The following FAM124B variants were observed in gnomAD, a reference collection of about 807,000 sequenced individuals.
FAM124B encodes family with sequence similarity 124 member B.
Under a neutral mutation model 19.7 loss-of-function variants are expected in FAM124B, and 18 were observed. The ratio of observed to expected loss-of-function variants is 0.92; its 90% CI spans 0.63 to 1.36. FAM124B has a LOEUF of 1.36. Ranked by LOEUF, FAM124B falls within the 40% of genes most tolerant of loss-of-function variation. The pLI, the probability that FAM124B is intolerant of heterozygous loss-of-function variation, is 0.00. For synonymous variants in FAM124B, 223 were observed against 225.2 expected, an observed-to-expected ratio of 0.99 and a Z score of 0.09; for missense variants, 540 against 553.3, an observed-to-expected ratio of 0.98 and a Z score of 0.24.
At chr2:224,397,696 A>C (rs542074175) in intron 1 of FAM124B, among the ~76,000 whole-genome samples, 1 of 152,302 alleles carries the variant, frequency 6.6e-6, no homozygotes, top group South Asian at 2.1e-4. Context: ...TGGGAACTGG[A>C]ACAAAGGTGA....
intron 1 of FAM124B, among the ~76,000 whole-genome samples, chr2:224,389,742 C>A (rs1689850785): frequency 6.6e-6 from 1 of 151,960 alleles, no homozygotes; most frequent in Non-Finnish European, 1.5e-5. Context: ...GCTAAAACCT[C>A]AAGAGATAGA....
intron 1 of FAM124B, chr2:224,399,409 T>C (rs1238897544): frequency 6.6e-6 from 1 of 152,252 alleles, no homozygotes; most frequent in Non-Finnish European, 1.5e-5. Context: ...TCATTTAATA[T>C]GGAATATGAT....
chr2:224,391,675 G>A (rs961318819), intron 1 of FAM124B, among the ~76,000 whole-genome samples: 2 of 152,150 alleles, frequency 1.3e-5, no homozygotes, highest in African/African-American at 4.8e-5. Flanking sequence ...AACAAAAATT[G>A]TTTAAGAGTT....
chr2:224,399,645 G>A (rs1321885360), intron 1 of FAM124B: 1 of 152,172 alleles, frequency 6.6e-6, no homozygotes, highest in Non-Finnish European at 1.5e-5. Flanking sequence ...CATGAACTTT[G>A]AGGGTAGATA....
chr2:224,394,392 TC>T (rs1219406284), intron 1 of FAM124B, among the ~76,000 whole-genome samples: 1 of 152,162 alleles, frequency 6.6e-6, no homozygotes, highest in Non-Finnish European at 1.5e-5. Flanking sequence ...ATCATCACCT[TC>T]CTCTTCTTCA....
chr2:224,386,507 T>C (rs1689802230), intron 1 of FAM124B, among the ~76,000 whole-genome samples: 2 of 152,194 alleles, frequency 1.3e-5, no homozygotes, highest in Admixed American at 6.5e-5. Context: ...GCTAACATCA[T>C]AGAGTTGCTG....
intron 1 of FAM124B, among the ~76,000 whole-genome samples, chr2:224,395,364 G>A (rs991297193): frequency 6.6e-6 from 1 of 152,212 alleles, no homozygotes; most frequent in Non-Finnish European, 1.5e-5. Flanking sequence ...GCAGCATGTG[G>A]TTGATTTGAC....
chr2:224,397,707 C>T (rs1689995677), intron 1 of FAM124B, among the ~76,000 whole-genome samples: 1 of 152,174 alleles, frequency 6.6e-6, no homozygotes, highest in Admixed American at 6.5e-5. Flanking sequence ...ACAAAGGTGA[C>T]TCTCATTATG....
At chr2:224,399,921 T>C (rs1254510441) in intron 1 of FAM124B, 1 of 152,222 alleles carries the variant, frequency 6.6e-6, no homozygotes, top group Non-Finnish European at 1.5e-5. Context: ...CGGGTGCCTT[T>C]ATTGTGCTAA....
chr2:224,400,288 C>T lies in FAM124B; in HGVS notation c.732+749G>A, dbSNP rs115477945. ...AAGAATAAAAATTAAGTCAATAGTACTGCAAACTTAACATCCCTAAACAAG... is the reference window on the plus strand; with the variant it reads ...AAGAATAAAAATTAAGTCAATAGTATTGCAAACTTAACATCCCTAAACAAG... On this transcript the variant is annotated intron_variant, in intron 1 of 1. Transcript: ENST00000409685. The T allele has an allele frequency of 3.0e-3, 1,620 of 536,910 alleles. 20 individuals carry two copies. The highest frequency in any genetic ancestry group is 0.028 in the African/African-American group (1,499 of 52,844). 33.3% of individuals were successfully genotyped at this position (536,910 alleles called of 1,614,324 possible). A position where few individuals can be genotyped will look rare whatever the true frequency, so the allele number is the denominator to read the frequency against.
At chr2:224,397,412 T>C (rs1358679461) in intron 1 of FAM124B, among the ~76,000 whole-genome samples, 1 of 152,220 alleles carries the variant, frequency 6.6e-6, no homozygotes, top group Non-Finnish European at 1.5e-5. Flanking sequence ...GTCTCGGGTA[T>C]GTCTTTATCA....
chr2:224,385,495 A>C (rs1689788941), intron 1 of FAM124B, among the ~76,000 whole-genome samples: 1 of 152,128 alleles, frequency 6.6e-6, no homozygotes, highest in African/African-American at 2.4e-5. Context: ...CCCCAGGGCA[A>C]TCTCAGGGGC....
chr2:224,390,793 C>T (rs1389232524), intron 1 of FAM124B, among the ~76,000 whole-genome samples: 282 of 151,306 alleles, frequency 1.9e-3, no homozygotes, highest in African/African-American at 6.5e-3. Context: ...CTCCACCTCC[C>T]GGGTTCACGC....
intron 1 of FAM124B, among the ~76,000 whole-genome samples, chr2:224,383,621 C>A (rs1689758750): frequency 6.6e-6 from 1 of 152,086 alleles, no homozygotes; most frequent in South Asian, 2.1e-4. Flanking sequence ...CTCCCTATCC[C>A]AACCTCAAAT....
chr2:224,392,687 G>A (rs1256712949), intron 1 of FAM124B, among the ~76,000 whole-genome samples: 1 of 149,354 alleles, frequency 6.7e-6, no homozygotes, highest in Non-Finnish European at 1.5e-5. Flanking sequence ...CCTGGGAGAG[G>A]GAGGTTGCAA....
intron 1 of FAM124B, among the ~76,000 whole-genome samples, chr2:224,386,709 C>T (rs1370850123): frequency 6.6e-6 from 1 of 152,162 alleles, no homozygotes; most frequent in Non-Finnish European, 1.5e-5. Flanking sequence ...TTATATACAC[C>T]TTCTTTGTTA....
Position 224,379,534 on chromosome 2 carries a change from A to G in FAM124B, c.*39T>C. 4 of 1,484,398 alleles carry G rather than the reference A, an allele frequency of 2.7e-6. No homozygotes were observed. Among genetic ancestry groups the G allele is most frequent in the Non-Finnish European group, 3.6e-6 (4 of 1,117,408 alleles). The allele number at this position is 1,484,398 out of a possible 1,614,324, so 92.0% of individuals were successfully genotyped here. A position where few individuals can be genotyped will look rare whatever the true frequency, so the allele number is the denominator to read the frequency against. ...CAGTACTCCATTTCTAGAACATTTT[A>G]TCTGATCTTGTGTTTTAGAAAACCA... is the stretch of plus-strand genomic sequence containing the variant. On this transcript the variant is annotated 3_prime_UTR_variant, in exon 2 of 2. Transcript: ENST00000409685.
At chr2:224,392,453 CA>C (rs1266980624) in intron 1 of FAM124B, among the ~76,000 whole-genome samples, 2 of 151,864 alleles carry the variant, frequency 1.3e-5, no homozygotes, top group African/African-American at 4.8e-5. Context: ...TCTAAAAAAG[CA>C]AAGAAAAAAG....
intron 1 of FAM124B, among the ~76,000 whole-genome samples, 187 bp downstream of exon 1, chr2:224,400,848 TAA>T (rs930521346): frequency 6.6e-6 from 1 of 152,120 alleles, no homozygotes; most frequent in South Asian, 2.1e-4. Context: ...CAAGAAGCTG[TAA>T]AAAAGTTACC....
Sources: allele counts gnomAD v4.1 joint callset (sites outside exome capture counted in the v4.1 genomes callset), GRCh38; gene constraint gnomAD v4.1.1; transcripts MANE v1.5; gene names NCBI Gene and HGNC (gene_info 2026-07-23, HGNC 2026-07-21).